SVEP1: variants seen among roughly 807,000 people sequenced by gnomAD.
The protein encoded by SVEP1 is sushi, von Willebrand factor type A, EGF and pentraxin domain-containing protein 1.
In SVEP1, 164 loss-of-function variants were observed where a neutral mutation model predicts 367.3. That is an observed-to-expected ratio of 0.45 (90% CI 0.39 to 0.51). The LOEUF is 0.51. Among genes scored for constraint, SVEP1 ranks in the 20% least tolerant of loss-of-function variants. SVEP1 has a pLI of 0.00. For missense variants in SVEP1, 4,117 were observed against 4,425.3 expected, an observed-to-expected ratio of 0.93 and a Z score of 1.98; for synonymous variants, 1,666 against 1,611.6, an observed-to-expected ratio of 1.03 and a Z score of -0.81.
In SVEP1 at chr9:110,544,732, C is replaced by T. The variant is rs1050651068; in HGVS notation, c.964+1383G>A. Among the ~76,000 whole-genome samples, 23 of 148,818 alleles carry T rather than the reference C, an allele frequency of 1.5e-4. 1 individual carries two copies. The highest frequency in any genetic ancestry group is 5.3e-4 in the Admixed American group (8 of 14,992). ...TGTAATGATCACATTATGACAATTA[C>T]CATATCTGTCACCTCAATTATCATT... On this transcript the variant is annotated intron_variant, in intron 3 of 47. Transcript: ENST00000374469.
intron 3 of SVEP1, among the ~76,000 whole-genome samples, chr9:110,533,724 C>T (rs1830049044): frequency 6.6e-6 from 1 of 152,182 alleles, no homozygotes. Context: ...GCCCGATTTC[C>T]TCTAGCTTGG....
intron 11 of SVEP1, 67 bp from the exon 12 acceptor site, chr9:110,481,503 T>C (rs1263513345): frequency 8.0e-7 from 1 of 1,246,918 alleles, no homozygotes. Flanking sequence ...TTCCAGGAGC[T>C]TAAGCAGAAT....
At chr9:110,370,071 A>T in intron 46 of SVEP1, 55 bp from the exon 47 acceptor site, 1 of 1,504,352 alleles carries the variant, frequency 6.6e-7, no homozygotes. Context: ...TTCTGATGAT[A>T]TCCATAAAGG....
chr9:110,436,328 A>G, intron 28 of SVEP1, 52 bp downstream of exon 28: 1 of 1,598,452 alleles, frequency 6.3e-7, no homozygotes, highest in Non-Finnish European at 8.6e-7. Flanking sequence ...CATTTTTACT[A>G]GGTTTGTACC....
chr9:110,366,565 A>G lies in SVEP1; in HGVS notation c.10695-5T>C, dbSNP rs75368241. The G allele has an allele frequency of 1.7e-4, 46 of 276,500 alleles. No homozygotes were observed. Among genetic ancestry groups the G allele is most frequent in the Admixed American group, 3.6e-4 (4 of 11,036 alleles). 17.1% of individuals were successfully genotyped at this position (276,500 alleles called of 1,614,324 possible). ...TAAAACCCAGTCCTCCTTTTCCTGGAAAAAAAAAAAAAAGCAACCAAATAG... is the reference window on the plus strand; with the variant it reads ...TAAAACCCAGTCCTCCTTTTCCTGGGAAAAAAAAAAAAAGCAACCAAATAG... On this transcript the variant is annotated splice_region_variant and splice_polypyrimidine_tract_variant and intron_variant, in intron 47 of 47. Coordinates refer to ENST00000374469, the MANE Select transcript of SVEP1 (RefSeq NM_153366.4).
At chr9:110,553,778 C>G (rs1830320357) in intron 1 of SVEP1, among the ~76,000 whole-genome samples, 1 of 152,108 alleles carries the variant, frequency 6.6e-6, no homozygotes. Context: ...ACAAATGATA[C>G]GCGCTTAATA....
At chr9:110,546,452 T>C (rs1830222334) in intron 2 of SVEP1, among the ~76,000 whole-genome samples, 161 bp from the exon 3 acceptor site, 1 of 152,246 alleles carries the variant, frequency 6.6e-6, no homozygotes, top group Non-Finnish European at 1.5e-5. Context: ...TGTGTGTTAT[T>C]TGTACTAGCG....
intron 8 of SVEP1, among the ~76,000 whole-genome samples, chr9:110,495,332 G>C (rs1002554058): frequency 3.3e-5 from 5 of 152,104 alleles, no homozygotes; most frequent in Non-Finnish European, 5.9e-5. Context: ...ACTAAATTAA[G>C]AATCTTAAAA....
At chr9:110,554,727 C>CGTGTGTGTGTGTGTGT (rs147546940) in intron 1 of SVEP1, among the ~76,000 whole-genome samples, 1 of 148,564 alleles carries the variant, frequency 6.7e-6, no homozygotes, top group Non-Finnish European at 1.5e-5. Flanking sequence ...TATAGATGTG[C>CGTGTGTGTGTGTGTGT]GTGTGTGTGT....
At chr9:110,497,081 C>A in intron 7 of SVEP1, 148 bp from the exon 8 acceptor site, 1 of 527,364 alleles carries the variant, frequency 1.9e-6, no homozygotes, top group South Asian at 3.2e-5. Context: ...CACCCACCTG[C>A]TTTCCTGATC....
At chr9:110,428,429 C>CACACACACACACACA (rs60798857) in intron 35 of SVEP1, among the ~76,000 whole-genome samples, 16 of 151,088 alleles carry the variant, frequency 1.1e-4, no homozygotes, top group South Asian at 4.2e-4. Flanking sequence ...CACACACACA[C>CACACACACACACACA]CATTAATCTC....
rs1828043871 is a variant in SVEP1, at chr9:110,411,465, G to T, written c.6246C>A (p.Phe2082Leu). The T allele has an allele frequency of 6.2e-7, 1 of 1,613,926 alleles. No homozygotes were observed. Among genetic ancestry groups the T allele is most frequent in the Non-Finnish European group, 8.5e-7 (1 of 1,179,916 alleles). The change falls in exon 37 of 48, where the codon TTC (phenylalanine) becomes TTA (leucine). Residue 2082 changes from phenylalanine (F) to leucine (L), a missense_variant. By Grantham distance (22) the Phe-to-Leu change is conservative. This residue lies in a region of SVEP1 where 2,174 missense variants were observed against 2,494.3 expected (regional missense o/e 0.87). Transcript: ENST00000374469. Reference sequence around the variant, plus strand: ...AGGAAACCGATGGAGGTTTTTCACAGAAATGAGCTATACAACGGGGCATGT... The same window carrying T: ...AGGAAACCGATGGAGGTTTTTCACATAAATGAGCTATACAACGGGGCATGT... ...GQDMPRCIAH[F>L]CEKPPSVSYS...
chr9:110,405,243 C>A (rs994837656), intron 38 of SVEP1, among the ~76,000 whole-genome samples: 3 of 149,878 alleles, frequency 2.0e-5, no homozygotes, highest in African/African-American at 5.0e-5. Context: ...AGGAATACAG[C>A]ATAATTAATA....
Position 110,366,434 on chromosome 9 carries a change from G to C in SVEP1, c.*105C>G. 8.6e-7 allele frequency: 1 copy of C among 1,159,606 alleles called. No homozygotes were observed. Among genetic ancestry groups the C allele is most frequent in the Non-Finnish European group, 1.1e-6 (1 of 871,904 alleles). The allele number at this position is 1,159,606 out of a possible 1,614,324, so 71.8% of individuals were successfully genotyped here. On this transcript the variant is annotated 3_prime_UTR_variant, in exon 48 of 48. Coordinates refer to ENST00000374469, the MANE Select transcript of SVEP1 (RefSeq NM_153366.4). ...CCCAAGTAACAAGTTTACTAAACAA[G>C]ACCCAGCACCATGTTGGACTTTCTT...
intron 5 of SVEP1, 22 bp downstream of exon 5, chr9:110,512,891 AGTAAATAAACAAT>A (rs1829742418): frequency 1.2e-6 from 2 of 1,612,180 alleles, no homozygotes; most frequent in Admixed American, 1.7e-5. Flanking sequence ...CAGGCAAGAC[AGTAAATAAACAAT>A]GTAAATTGGC....
In SVEP1 at chr9:110,436,495, G is replaced by C. The variant is rs544713872; in HGVS notation, c.4649C>G (p.Ala1550Gly). 6.2e-7 allele frequency: 1 copy of C among 1,613,498 alleles called. No individual in the cohort carries two copies. Among genetic ancestry groups the C allele is most frequent in the Non-Finnish European group, 8.5e-7 (1 of 1,179,704 alleles). ...GTCTTGCTCTTGCCCCAGAACTAAC[G>C]CACCACCACCTAAGGAGAGAGAAAG... ...SVGLPIPGGGALVLGQEQDKK... is the reference protein window; with the variant it reads ...SVGLPIPGGGGLVLGQEQDKK... Residue 1550 changes from alanine (A) to glycine (G), a missense_variant, in exon 28 of 48, where the codon GCG becomes GGG. Around this residue, in one of 4 missense-constraint regions of SVEP1, gnomAD observed 2,174 missense variants for 2,494.3 expected, o/e 0.87. Coordinates refer to ENST00000374469, the MANE Select transcript of SVEP1 (RefSeq NM_153366.4).
At chr9:110,459,412 A>G (rs1449631003) in intron 18 of SVEP1, among the ~76,000 whole-genome samples, 4 of 152,222 alleles carry the variant, frequency 2.6e-5, no homozygotes, top group Non-Finnish European at 4.4e-5. Flanking sequence ...ATTATTGAAT[A>G]GTATAGATTT....
chr9:110,529,417 T>A (rs1256467552), intron 3 of SVEP1, among the ~76,000 whole-genome samples: 2 of 152,176 alleles, frequency 1.3e-5, no homozygotes, highest in African/African-American at 4.8e-5. Context: ...GTTATTTTGA[T>A]AGGAATTGCA....
At chr9:110,495,320 C>A (rs373077568) in intron 8 of SVEP1, among the ~76,000 whole-genome samples, 1 of 152,024 alleles carries the variant, frequency 6.6e-6, no homozygotes, top group South Asian at 2.1e-4. Flanking sequence ...TTAGCAGACA[C>A]GACTAAATTA....
Sources: gnomAD v4.1 joint callset for allele counts (sites outside exome capture counted in the v4.1 genomes callset) on GRCh38, gnomAD v4.1.1 for gene constraint, gnomAD v4.1.1 regional missense constraint, MANE v1.5 for transcripts, NCBI Gene and HGNC (gene_info 2026-07-23, HGNC 2026-07-21) for gene names.